Variants in ABCC11 observed in about 807,000 individuals in gnomAD.
ABCC11 encodes the protein ATP binding cassette subfamily C member 11.
A neutral mutation model predicts 149.3 loss-of-function variants in ABCC11; 135 were observed. The ratio of observed to expected loss-of-function variants is 0.90; its 90% CI spans 0.79 to 1.04. The LOEUF is 1.04. ABCC11 is among the 50% of genes least tolerant of loss of function. The pLI, the probability that ABCC11 is intolerant of heterozygous loss-of-function variation, is 0.00. For missense variants in ABCC11, 1,680 were observed against 1,722.1 expected (o/e 0.98, Z 0.43); for synonymous variants, 665 against 671.4 (o/e 0.99, Z 0.15).
intron 24 of ABCC11, 114 bp from the exon 25 acceptor site, chr16:48,177,227 C>A (rs753522724): frequency 1.8e-6 from 2 of 1,084,870 alleles, no homozygotes; most frequent in South Asian, 1.6e-5. Flanking sequence ...GCCTGCCTTG[C>A]GCCAAGGTCA....
intron 23 of ABCC11, among the ~76,000 whole-genome samples, chr16:48,181,866 G>A (rs2150749907): frequency 6.6e-6 from 1 of 152,330 alleles, no homozygotes; most frequent in Non-Finnish European, 1.5e-5. Context: ...ACCCACCTTG[G>A]ACTCTCAAAG....
chr16:48,190,389 G>T (rs1469820872), intron 20 of ABCC11, among the ~76,000 whole-genome samples: 3 of 151,556 alleles, frequency 2.0e-5, no homozygotes, highest in African/African-American at 4.8e-5. Flanking sequence ...ATGAGATAGG[G>T]TCTCACTGTC....
At chr16:48,173,678 G>A (rs563292174) in intron 26 of ABCC11, among the ~76,000 whole-genome samples, 4 of 152,314 alleles carry the variant, frequency 2.6e-5, no homozygotes, top group Admixed American at 1.3e-4. Context: ...AGGCTGGAGT[G>A]CAGTAGCACG....
chr16:48,196,816 G>A (rs1245469552), intron 17 of ABCC11, among the ~76,000 whole-genome samples: 2 of 152,236 alleles, frequency 1.3e-5, no homozygotes, highest in Non-Finnish European at 2.9e-5. Context: ...AGCTTGGCCT[G>A]AAGACCGGTA....
In ABCC11 at chr16:48,187,078, CT is replaced by C; in HGVS notation, c.2945del (p.Lys982ArgfsTer28). ...CCAGTCTCTTGAACACACCGATGGC[CT>C]TCTTGAACATCCTGCATGGACAGTG... is the stretch of plus-strand genomic sequence containing the variant. ...ICFIYYMMFK[K>X]AIGVFKRLEN... is the part of the protein sequence containing the mutation. On this transcript the variant is annotated frameshift_variant, in exon 22 of 30. Transcript: ENST00000356608. LOFTEE classifies it high-confidence loss of function. 6.2e-7 allele frequency: 1 copy of C among 1,614,194 alleles called. No homozygotes were observed. Among genetic ancestry groups the C allele is most frequent in the Admixed American group, 1.7e-5 (1 of 60,030 alleles).
intron 1 of ABCC11, among the ~76,000 whole-genome samples, chr16:48,245,685 T>G (rs186664787): frequency 1.3e-5 from 2 of 152,328 alleles, no homozygotes; most frequent in South Asian, 2.1e-4. Flanking sequence ...AAAAACTTTT[T>G]GATTAATACA....
intron 17 of ABCC11, 107 bp from the exon 18 acceptor site, chr16:48,196,428 C>T (rs373072841): frequency 2.0e-6 from 2 of 1,022,978 alleles, no homozygotes. Flanking sequence ...TTTCCAGCTT[C>T]AGTGCCCCAC....
Position 48,245,694 on chromosome 16 carries a change from C to T in ABCC11, c.-19+1620G>A, listed in dbSNP as rs571145852. ...TTTTGAAAAAACTTTTTGATTAATA[C>T]ATTTTATATGGATTAAATGTTGGAA... On this transcript the variant is annotated intron_variant, in intron 1 of 29. Coordinates refer to ENST00000356608, the MANE Select transcript of ABCC11 (RefSeq NM_001370497.1). Among the ~76,000 whole-genome samples, 7 of 152,278 alleles carry T rather than the reference C, an allele frequency of 4.6e-5. No homozygotes were observed. The South Asian group carries it at 1.0e-3, about 23-fold the overall frequency.
intron 11 of ABCC11, 121 bp from the exon 12 acceptor site, chr16:48,208,617 G>A: frequency 9.4e-7 from 1 of 1,065,296 alleles, no homozygotes; most frequent in Non-Finnish European, 1.4e-6. Flanking sequence ...TAACCACACA[G>A]AGCCCAAGAC....
chr16:48,171,850 T>A (rs1179000590), intron 26 of ABCC11, among the ~76,000 whole-genome samples: 1 of 151,966 alleles, frequency 6.6e-6, no homozygotes, highest in Non-Finnish European at 1.5e-5. Flanking sequence ...GTAGTCCCAG[T>A]TACTCAGGAA....
intron 28 of ABCC11, among the ~76,000 whole-genome samples, chr16:48,169,178 A>G (rs941259963): frequency 1.9e-4 from 29 of 152,234 alleles, no homozygotes; most frequent in African/African-American, 7.0e-4. Context: ...ACAGTAGGCA[A>G]TTTAAAAATC....
At chr16:48,212,397 A>G (rs1969000671) in intron 10 of ABCC11, among the ~76,000 whole-genome samples, 1 of 152,206 alleles carries the variant, frequency 6.6e-6, no homozygotes, top group African/African-American at 2.4e-5. Context: ...CAGAAAATAC[A>G]CTAACACCAA....
At chr16:48,207,362 GT>G (rs1968535966) in intron 12 of ABCC11, among the ~76,000 whole-genome samples, 1 of 151,998 alleles carries the variant, frequency 6.6e-6, no homozygotes. Flanking sequence ...TGGGTTTGGG[GT>G]TTTTTTGAAA....
At chr16:48,226,072 C>CATTATTATTATT (rs141311389) in intron 4 of ABCC11, among the ~76,000 whole-genome samples, 29 of 150,210 alleles carry the variant, frequency 1.9e-4, no homozygotes, top group African/African-American at 6.2e-4. Context: ...TTTCCAGGTA[C>CATTATTATTATT]ATTATTATTA....
intron 1 of ABCC11, among the ~76,000 whole-genome samples, chr16:48,235,422 T>C (rs72559427): frequency 1.5e-3 from 222 of 152,344 alleles, no homozygotes; most frequent in African/African-American, 5.0e-3. Context: ...TATTCAAGAT[T>C]CATCCAGGAA....
At chr16:48,186,144 A>C (rs1336275406) in intron 22 of ABCC11, among the ~76,000 whole-genome samples, 1 of 152,158 alleles carries the variant, frequency 6.6e-6, no homozygotes, top group Non-Finnish European at 1.5e-5. Flanking sequence ...CTATAATGCC[A>C]CTGAGAGAGC....
At chr16:48,228,071 A>C in intron 3 of ABCC11, 107 bp from the exon 4 acceptor site, 3 of 1,061,572 alleles carry the variant, frequency 2.8e-6, no homozygotes, top group South Asian at 1.8e-5. Context: ...CTACACACAA[A>C]CATGTTTTCA....
Position 48,200,454 on chromosome 16 carries a change from G to C in ABCC11, c.1904C>G (p.Ser635Cys). Reference protein sequence around the residue: ...TEIGERGLNLSGGQKQRISLA... With the variant: ...TEIGERGLNLCGGQKQRISLA... ...GCTGATCCTCTGTTTCTGCCCCCCA[G>C]AGAGGTTGAGGCCCCGCTCTCCAAT... Residue 635 changes from serine (S) to cysteine (C), a missense_variant, in exon 15 of 30, where the codon TCT (serine) becomes TGT (cysteine). Physicochemically the swap from Ser to Cys is moderately radical, Grantham distance 112. Transcript: ENST00000356608. 1.9e-6 allele frequency: 3 copies of C among 1,614,192 alleles called. No homozygotes were observed. In the Admixed American group the frequency reaches 5.0e-5, roughly 27 times the overall value.
chr16:48,210,069 G>A (rs1407753082), intron 11 of ABCC11: 2 of 152,210 alleles, frequency 1.3e-5, no homozygotes, highest in Non-Finnish European at 2.9e-5. Context: ...TCGAGGGAGG[G>A]AAGGAAAGGA....
Sources: allele counts gnomAD v4.1 joint callset (sites outside exome capture counted in the v4.1 genomes callset), GRCh38; gene constraint gnomAD v4.1.1; transcripts MANE v1.5; gene names NCBI Gene and HGNC (gene_info 2026-07-23, HGNC 2026-07-21).